LRP1B: variants seen among roughly 807,000 people sequenced by gnomAD.
LRP1B encodes the protein LDL receptor related protein 1B.
Under a neutral mutation model 556.6 loss-of-function variants are expected in LRP1B, and 217 were observed. The ratio of observed to expected loss-of-function variants is 0.39; its 90% CI spans 0.35 to 0.44. The LOEUF (loss-of-function observed/expected upper bound fraction) is 0.44. Among genes scored for constraint, LRP1B ranks in the 20% least tolerant of loss-of-function variants. The probability of loss-of-function intolerance (pLI) is 1.00; values close to 1 mark genes in which losing one functional copy is unlikely to be tolerated. For missense variants in LRP1B, 5,053 were observed against 5,620.8 expected, an observed-to-expected ratio of 0.90 and a Z score of 3.23; for synonymous variants, 2,047 against 1,865.8, an observed-to-expected ratio of 1.10 and a Z score of -2.50.
In LRP1B at chr2:140,973,664, T is replaced by A. The variant is rs1451221737; in HGVS notation, c.2887+8496A>T. 3.9e-5 allele frequency among the ~76,000 whole-genome samples: 6 copies of A among 152,094 alleles called. No individual in the cohort carries two copies. In the East Asian group the frequency reaches 1.2e-3, roughly 29 times the overall value. ...ATTACTTTAAGAGAAACCTAGAAGC[T>A]AAATAACTAAAGGTAAAAAGCCCAG... On this transcript the variant is annotated intron_variant, in intron 18 of 90. Transcript: ENST00000389484.
chr2:140,785,606 G>A (rs1027890172), intron 32 of LRP1B, among the ~76,000 whole-genome samples: 4 of 151,962 alleles, frequency 2.6e-5, no homozygotes, highest in East Asian at 1.9e-4. Context: ...TTTGGGAAGG[G>A]TGGGAAGTAT....
chr2:140,750,356 A>C (rs1688533441), intron 35 of LRP1B, among the ~76,000 whole-genome samples: 1 of 152,218 alleles, frequency 6.6e-6, no homozygotes, highest in Non-Finnish European at 1.5e-5. Flanking sequence ...AAACAAATGT[A>C]TAAAAGTTAA....
At chr2:140,970,731 T>C (rs1172951193) in intron 18 of LRP1B, among the ~76,000 whole-genome samples, 443 of 5,078 alleles carry the variant, frequency 0.087, 57 homozygotes, top group African/African-American at 0.16. Context: ...TTTTTTTTTT[T>C]TTTTTTTTTT....
chr2:141,352,318 T>G (rs983617591), intron 3 of LRP1B, among the ~76,000 whole-genome samples: 6 of 151,944 alleles, frequency 3.9e-5, no homozygotes, highest in African/African-American at 1.4e-4. Context: ...TAAATATTTA[T>G]CCATAGAAAT....
rs563681201 is a variant in LRP1B at position 140,488,226 on chromosome 2, TC to T, written c.9121-488del. The stretch of plus-strand genomic sequence containing the variant: ...AAGAGAAGGTATAGAAATTTTACTT[TC>T]CCCCAAAGCTCTTGTCCCAACAACA... On this transcript the variant is annotated intron_variant, in intron 57 of 90. Coordinates refer to ENST00000389484, the MANE Select transcript of LRP1B (RefSeq NM_018557.3). 2.9e-4 allele frequency among the ~76,000 whole-genome samples: 44 copies of T among 150,740 alleles called. 1 individual carries two copies. Among genetic ancestry groups the T allele is most frequent in the Admixed American group, 1.7e-3 (26 of 15,126 alleles).
At chr2:141,449,967 G>C (rs945049408) in intron 3 of LRP1B, among the ~76,000 whole-genome samples, 1 of 152,144 alleles carries the variant, frequency 6.6e-6, no homozygotes, top group African/African-American at 2.4e-5. Context: ...AATATCTCTA[G>C]ACATTGTCAA....
chr2:140,667,882 T>C (rs16844445), intron 41 of LRP1B, among the ~76,000 whole-genome samples: 15,829 of 152,204 alleles, frequency 0.1, 959 homozygotes, highest in East Asian at 0.25. Context: ...AAGTCACAAA[T>C]CATACTGTGT....
intron 1 of LRP1B, among the ~76,000 whole-genome samples, chr2:141,949,682 C>T (rs1012765830): frequency 6.6e-6 from 1 of 152,192 alleles, no homozygotes; most frequent in African/African-American, 2.4e-5. Flanking sequence ...GCCACCGTGC[C>T]TGGCCGAAAC....
At chr2:141,314,840 A>G (rs1262041996) in intron 3 of LRP1B, among the ~76,000 whole-genome samples, 1 of 131,534 alleles carries the variant, frequency 7.6e-6, no homozygotes, top group Non-Finnish European at 1.6e-5. Context: ...GTATATATAT[A>G]TATACACATA....
At position 141,498,986 on chromosome 2, in the gene LRP1B, T is replaced by G. The variant is rs143732849; in HGVS notation, c.206-18453A>C. On this transcript the variant is annotated intron_variant, in intron 2 of 90. Coordinates refer to ENST00000389484, the MANE Select transcript of LRP1B (RefSeq NM_018557.3). ...AAGGTGGTCAGTACATAAATAGATT[T>G]CATTTTCAGCAATGTCTTCTCTCAT... Among the ~76,000 whole-genome samples, 1,041 of 152,228 alleles carry G rather than the reference T, an allele frequency of 6.8e-3. 11 individuals are homozygous for G. The highest frequency in any genetic ancestry group is 0.024 in the African/African-American group (987 of 41,564).
At chr2:141,913,538 T>G (rs573435691) in intron 1 of LRP1B, among the ~76,000 whole-genome samples, 69 of 152,224 alleles carry the variant, frequency 4.5e-4, no homozygotes, top group Non-Finnish European at 9.1e-4. Context: ...AACAGTTGGT[T>G]TTGAAACTGG....
chr2:141,485,548 C>A (rs1013313420), intron 2 of LRP1B, among the ~76,000 whole-genome samples: 2 of 152,206 alleles, frequency 1.3e-5, no homozygotes, highest in Non-Finnish European at 1.5e-5. Flanking sequence ...AATAGCAATG[C>A]CTGCCTCAGA....
intron 7 of LRP1B, among the ~76,000 whole-genome samples, chr2:141,182,128 A>T (rs1681028038): frequency 6.6e-6 from 1 of 152,014 alleles, no homozygotes; most frequent in African/African-American, 2.4e-5. Flanking sequence ...TTAATTCTCC[A>T]TGAACTTAAC....
At chr2:141,934,678 T>C (rs1231767719) in intron 1 of LRP1B, among the ~76,000 whole-genome samples, 2 of 152,068 alleles carry the variant, frequency 1.3e-5, no homozygotes, top group African/African-American at 4.8e-5. Context: ...GTTCTCATGA[T>C]AGTGAGCAAG....
chr2:140,815,548 G>T (rs553335942), intron 31 of LRP1B, among the ~76,000 whole-genome samples: 1 of 152,060 alleles, frequency 6.6e-6, no homozygotes, highest in Non-Finnish European at 1.5e-5. Flanking sequence ...CTCAGAGTCA[G>T]GACATGTGTG....
intron 41 of LRP1B, among the ~76,000 whole-genome samples, chr2:140,672,273 T>C (rs547784002): frequency 1.3e-5 from 2 of 151,988 alleles, no homozygotes; most frequent in East Asian, 3.9e-4. Context: ...GGTCACAAGG[T>C]CAGGAGTTGA....
chr2:141,488,761 T>G (rs1683211012), intron 2 of LRP1B, among the ~76,000 whole-genome samples: 1 of 152,050 alleles, frequency 6.6e-6, no homozygotes, highest in African/African-American at 2.4e-5. Flanking sequence ...CCTAGCATCT[T>G]TTAAATATTT....
intron 61 of LRP1B, among the ~76,000 whole-genome samples, chr2:140,456,954 T>C (rs1256967677): frequency 1.3e-5 from 2 of 152,296 alleles, no homozygotes. Context: ...GAAACAATGA[T>C]CTACAACTAC....
chr2:141,787,170 GA>G (rs565584487), intron 2 of LRP1B, among the ~76,000 whole-genome samples: 35 of 151,906 alleles, frequency 2.3e-4, no homozygotes, highest in Non-Finnish European at 4.0e-4. Flanking sequence ...AGCTATTTTA[GA>G]AAACTGTATG....
Sources: gnomAD v4.1 joint callset for allele counts (sites outside exome capture counted in the v4.1 genomes callset) on GRCh38, gnomAD v4.1.1 for gene constraint, MANE v1.5 for transcripts, NCBI Gene and HGNC (gene_info 2026-07-23, HGNC 2026-07-21) for gene names.